SCN11A: variants seen among roughly 807,000 people sequenced by gnomAD.
SCN11A encodes sodium channel protein type 11 subunit alpha.
SCN11A carries 122 observed loss-of-function variants against 162.2 expected under a neutral mutation model. The ratio of observed to expected loss-of-function variants is 0.75; its 90% CI spans 0.65 to 0.87. The LOEUF (loss-of-function observed/expected upper bound fraction) is 0.87. Ranked by LOEUF, SCN11A falls within the 40% of genes least tolerant of loss-of-function variation. The pLI is 0.00. For synonymous variants in SCN11A, 758 were observed against 751.5 expected (o/e 1.01, Z -0.14); for missense variants, 2,015 against 2,181.6 (o/e 0.92, Z 1.52).
At chr3:38,882,024 A>T (rs1010245681) in intron 22 of SCN11A, among the ~76,000 whole-genome samples, 2 of 152,232 alleles carry the variant, frequency 1.3e-5, no homozygotes, top group African/African-American at 2.4e-5. Flanking sequence ...CTTGAGTAAC[A>T]GTAGACAGCC....
At chr3:38,934,763 C>T (rs1351348832) in intron 7 of SCN11A, among the ~76,000 whole-genome samples, 3 of 151,912 alleles carry the variant, frequency 2.0e-5, no homozygotes, top group Admixed American at 6.6e-5. Context: ...ACTTAGACTC[C>T]CACACAATAA....
At chr3:38,895,607 T>A (rs1355876338) in intron 18 of SCN11A, among the ~76,000 whole-genome samples, 2 of 152,194 alleles carry the variant, frequency 1.3e-5, no homozygotes, top group Admixed American at 6.5e-5. Flanking sequence ...CAAATTCCTT[T>A]GTTTGTGGCT....
chr3:38,857,479 T>A (rs558966453), intron 28 of SCN11A, among the ~76,000 whole-genome samples: 1 of 151,838 alleles, frequency 6.6e-6, no homozygotes, highest in South Asian at 2.1e-4. Flanking sequence ...AAAAAATGAA[T>A]GAAGCCTCCA....
chr3:38,964,358 A>T (rs1047040219), intron 2 of SCN11A, among the ~76,000 whole-genome samples: 2 of 152,202 alleles, frequency 1.3e-5, no homozygotes, highest in Non-Finnish European at 2.9e-5. Flanking sequence ...AGCAAAGATG[A>T]CATTGAGCCG....
chr3:38,858,279 T>G (rs886219193), intron 28 of SCN11A, among the ~76,000 whole-genome samples: 2 of 152,056 alleles, frequency 1.3e-5, no homozygotes, highest in Non-Finnish European at 2.9e-5. Context: ...GAGACTCACC[T>G]AACACATAAG....
chr3:38,953,517 T>C (rs1281360718), intron 4 of SCN11A, among the ~76,000 whole-genome samples, 112 bp downstream of exon 4: 1 of 152,148 alleles, frequency 6.6e-6, no homozygotes, highest in Admixed American at 6.6e-5. Flanking sequence ...GAAACTCTTG[T>C]AGCAAATCAA....
chr3:38,851,371 AT>A (rs2126080310), intron 28 of SCN11A, among the ~76,000 whole-genome samples: 1 of 152,324 alleles, frequency 6.6e-6, no homozygotes. Context: ...ATAGAAAAAA[AT>A]GATTAATTTA....
chr3:38,955,783 C>A (rs1261007380), intron 3 of SCN11A, among the ~76,000 whole-genome samples: 2 of 152,006 alleles, frequency 1.3e-5, no homozygotes, highest in Non-Finnish European at 2.9e-5. Context: ...GTATATACTC[C>A]CAAACAATGA....
intron 19 of SCN11A, among the ~76,000 whole-genome samples, chr3:38,893,305 G>A (rs2065531422): frequency 6.6e-6 from 1 of 152,014 alleles, no homozygotes; most frequent in African/African-American, 2.4e-5. Flanking sequence ...CCAAAATATT[G>A]GGAAGATATA....
At chr3:39,009,128 C>G (rs2031058159) in intron 2 of SCN11A, among the ~76,000 whole-genome samples, 1 of 152,008 alleles carries the variant, frequency 6.6e-6, no homozygotes, top group East Asian at 1.9e-4. Context: ...TATGAGAAGT[C>G]AGCTGTCTTC....
intron 7 of SCN11A, among the ~76,000 whole-genome samples, chr3:38,930,449 T>G (rs543743036): frequency 6.6e-6 from 1 of 152,366 alleles, no homozygotes; most frequent in South Asian, 2.1e-4. Context: ...AATGTCCTCA[T>G]ATAAACAGGC....
chr3:39,041,285 T>C (rs2032043907), intron 1 of SCN11A, among the ~76,000 whole-genome samples: 1 of 152,208 alleles, frequency 6.6e-6, no homozygotes, highest in Non-Finnish European at 1.5e-5. Context: ...AAAACCTATT[T>C]GATGAAATAA....
intron 1 of SCN11A, among the ~76,000 whole-genome samples, chr3:39,038,144 CA>C (rs1397280501): frequency 1.3e-5 from 2 of 152,304 alleles, no homozygotes; most frequent in African/African-American, 4.8e-5. Context: ...TGTTGCAATG[CA>C]AATTATCCCA....
intron 1 of SCN11A, among the ~76,000 whole-genome samples, chr3:39,047,399 T>C (rs1160377218): frequency 3.9e-5 from 6 of 152,014 alleles, no homozygotes; most frequent in Non-Finnish European, 8.8e-5. Flanking sequence ...AAAACCTAAA[T>C]ATAAAACCCA....
chr3:38,960,503 C>T (rs190743650), intron 2 of SCN11A, among the ~76,000 whole-genome samples, 80 bp from the exon 3 acceptor site: 14 of 152,290 alleles, frequency 9.2e-5, no homozygotes, highest in East Asian at 3.9e-4. Context: ...ACCCTGTAAC[C>T]GGAGAAGTGA....
chr3:38,971,787 A>C (rs1356758534), intron 2 of SCN11A, among the ~76,000 whole-genome samples: 5 of 152,148 alleles, frequency 3.3e-5, no homozygotes, highest in African/African-American at 1.2e-4. Flanking sequence ...GGCAAAGACT[A>C]TCCTACTCTC....
At chr3:38,978,661 T>TA (rs768586671) in intron 2 of SCN11A, among the ~76,000 whole-genome samples, 1 of 151,848 alleles carries the variant, frequency 6.6e-6, no homozygotes, top group Non-Finnish European at 1.5e-5. Flanking sequence ...AAAAAATTAA[T>TA]AACTCTTTTC....
In SCN11A at chr3:38,965,710, T is replaced by TC. The variant is rs898839474; in HGVS notation, c.-279-5288dup. Among the ~76,000 whole-genome samples the TC allele has an allele frequency of 3.7e-4, 57 of 152,342 alleles. 1 individual carries two copies. Among genetic ancestry groups the TC allele is most frequent in the African/African-American group, 1.3e-3 (56 of 41,582 alleles). On this transcript the variant is annotated intron_variant, in intron 2 of 29. Transcript: ENST00000302328. ...TGAAGCCTTTCTTTTTCTTTTTTTT[T>TC]CATATGACAAGGTGTTTATTGGAGT...
chr3:38,890,543 T>A (rs751920503), intron 19 of SCN11A, among the ~76,000 whole-genome samples: 1 of 152,072 alleles, frequency 6.6e-6, no homozygotes, highest in Non-Finnish European at 1.5e-5. Flanking sequence ...CCCCCTGGGG[T>A]CAAAACAAAT....
Sources: allele counts gnomAD v4.1 joint callset (sites outside exome capture counted in the v4.1 genomes callset), GRCh38; gene constraint gnomAD v4.1.1; transcripts MANE v1.5; gene names NCBI Gene and HGNC (gene_info 2026-07-23, HGNC 2026-07-21).